The following AGBL4 variants were observed in gnomAD, a reference collection of about 807,000 sequenced individuals.
The protein encoded by AGBL4 is cytosolic carboxypeptidase 6.
AGBL4 carries 58 observed loss-of-function variants against 66.4 expected under a neutral mutation model. That is an observed-to-expected ratio of 0.87 (90% CI 0.71 to 1.09). AGBL4 has a LOEUF of 1.09. Among genes scored for constraint, AGBL4 ranks in the 50% least tolerant of loss-of-function variants. The pLI, the probability that AGBL4 is intolerant of heterozygous loss-of-function variation, is 0.00. For synonymous variants in AGBL4, 234 were observed against 222.9 expected, an observed-to-expected ratio of 1.05 and a Z score of -0.44; for missense variants, 579 against 631.0, an observed-to-expected ratio of 0.92 and a Z score of 0.88.
At chr1:48,950,591 G>C (rs767117453) in intron 5 of AGBL4, among the ~76,000 whole-genome samples, 1 of 152,156 alleles carries the variant, frequency 6.6e-6, no homozygotes, top group Non-Finnish European at 1.5e-5. Context: ...AATATTGTTT[G>C]AGAGTCTGAT....
chr1:49,883,291 A>C lies in AGBL4; in HGVS notation c.35-31773T>G, dbSNP rs556438101. Among the ~76,000 whole-genome samples, 3 of 152,144 alleles carry C rather than the reference A, an allele frequency of 2.0e-5. No homozygotes were observed. The South Asian group carries it at 6.2e-4, about 31-fold the overall frequency. On this transcript the variant is annotated intron_variant, in intron 1 of 13. Transcript: ENST00000371839. ...GGTTTCTATTTGCCTGGATATATGC[A>C]TATTTGTTTTTCCTTATGGAGAAGT...
At chr1:48,684,196 CA>C (rs1351480565) in intron 6 of AGBL4, among the ~76,000 whole-genome samples, 1 of 152,238 alleles carries the variant, frequency 6.6e-6, no homozygotes, top group East Asian at 1.9e-4. Flanking sequence ...CTGAGCATCA[CA>C]AAGTGCTCTC....
At chr1:49,881,836 T>C (rs1647358186) in intron 1 of AGBL4, among the ~76,000 whole-genome samples, 1 of 151,728 alleles carries the variant, frequency 6.6e-6, no homozygotes, top group African/African-American at 2.4e-5. Context: ...ATTTTGTGGG[T>C]TGCCTGTTCA....
intron 11 of AGBL4, among the ~76,000 whole-genome samples, chr1:48,582,434 G>T (rs1644753534): frequency 6.6e-6 from 1 of 152,164 alleles, no homozygotes; most frequent in Admixed American, 6.5e-5. Context: ...AACTCTGATG[G>T]GTAGGAAGTA....
chr1:49,300,444 T>C (rs1340267988), intron 3 of AGBL4, among the ~76,000 whole-genome samples: 4 of 152,162 alleles, frequency 2.6e-5, no homozygotes, highest in Non-Finnish European at 5.9e-5. Context: ...CCCAATGAGA[T>C]AAGGGTAACT....
chr1:49,719,879 C>A (rs1232341315), intron 2 of AGBL4, among the ~76,000 whole-genome samples: 2 of 152,044 alleles, frequency 1.3e-5, no homozygotes, highest in African/African-American at 2.4e-5. Context: ...TTTCTCCTTG[C>A]TGCTGCCATG....
intron 5 of AGBL4, among the ~76,000 whole-genome samples, chr1:48,953,605 C>T (rs1444680270): frequency 1.3e-5 from 2 of 152,142 alleles, no homozygotes; most frequent in Non-Finnish European, 2.9e-5. Context: ...AAGAAGGTTC[C>T]TAGCACAGTG....
At chr1:48,591,090 AC>A (rs151241264) in intron 9 of AGBL4, 105 bp from the exon 10 acceptor site, 619 of 525,450 alleles carry the variant, frequency 1.2e-3, no homozygotes, top group East Asian at 3.2e-3. Flanking sequence ...ACACCCACCC[AC>A]CCCCCCCCAC....
chr1:49,594,655 T>C (rs1175104703), intron 3 of AGBL4, among the ~76,000 whole-genome samples: 3 of 152,200 alleles, frequency 2.0e-5, no homozygotes, highest in Non-Finnish European at 4.4e-5. Context: ...CTGAGAATGA[T>C]GGCTTCCAGC....
intron 6 of AGBL4, among the ~76,000 whole-genome samples, chr1:48,747,279 C>A (rs192904395): frequency 6.6e-6 from 1 of 152,032 alleles, no homozygotes; most frequent in Non-Finnish European, 1.5e-5. Context: ...CATTTGCATT[C>A]GGATATTGAC....
intron 5 of AGBL4, among the ~76,000 whole-genome samples, chr1:48,955,920 G>C (rs1184636161): frequency 6.6e-6 from 1 of 152,194 alleles, no homozygotes; most frequent in Non-Finnish European, 1.5e-5. Flanking sequence ...AACAGTAGCT[G>C]GGAGTCATTA....
At chr1:49,546,951 G>T (rs1652539287) in intron 3 of AGBL4, among the ~76,000 whole-genome samples, 1 of 152,106 alleles carries the variant, frequency 6.6e-6, no homozygotes, top group South Asian at 2.1e-4. Flanking sequence ...CCACTCTGTG[G>T]GTTGTTTGCT....
chr1:49,186,067 A>G (rs1647011327), intron 4 of AGBL4, among the ~76,000 whole-genome samples: 2 of 152,080 alleles, frequency 1.3e-5, no homozygotes, highest in South Asian at 4.1e-4. Context: ...CCGATGCTCC[A>G]CACCATCATA....
intron 3 of AGBL4, among the ~76,000 whole-genome samples, chr1:49,296,714 T>C (rs1644650323): frequency 6.6e-6 from 1 of 152,152 alleles, no homozygotes; most frequent in South Asian, 2.1e-4. Flanking sequence ...TGAATTGAGT[T>C]CTTTGGGTTT....
At chr1:49,475,965 C>T (rs1271875721) in intron 3 of AGBL4, among the ~76,000 whole-genome samples, 1 of 152,068 alleles carries the variant, frequency 6.6e-6, no homozygotes, top group South Asian at 2.1e-4. Context: ...ATTTCTTCCA[C>T]TAGCTTTGGG....
intron 3 of AGBL4, among the ~76,000 whole-genome samples, chr1:49,577,947 G>A (rs567325103): frequency 8.5e-5 from 13 of 152,200 alleles, no homozygotes; most frequent in Non-Finnish European, 1.5e-4. Flanking sequence ...GAAATCAAGG[G>A]GTGGATATGG....
At chr1:49,529,175 G>A (rs1417144555) in intron 3 of AGBL4, among the ~76,000 whole-genome samples, 8 of 152,162 alleles carry the variant, frequency 5.3e-5, no homozygotes, top group African/African-American at 1.9e-4. Context: ...GCTGAGAATA[G>A]GTAAAAGCCT....
At chr1:49,865,928 G>T in intron 1 of AGBL4, 1 of 409,220 alleles carries the variant, frequency 2.4e-6, no homozygotes, top group Non-Finnish European at 5.0e-6. Context: ...ACCTGAAGGA[G>T]CTGAAAAACA....
At chr1:49,465,823 G>A (rs1032167159) in intron 3 of AGBL4, among the ~76,000 whole-genome samples, 4 of 151,848 alleles carry the variant, frequency 2.6e-5, no homozygotes, top group African/African-American at 4.8e-5. Context: ...AAAGTCTGAT[G>A]TTTATTCCCC....
Sources: gnomAD v4.1 joint callset for allele counts (sites outside exome capture counted in the v4.1 genomes callset) on GRCh38, gnomAD v4.1.1 for gene constraint, MANE v1.5 for transcripts, NCBI Gene and HGNC (gene_info 2026-07-23, HGNC 2026-07-21) for gene names.